Variants in AVEN observed in about 807,000 individuals in gnomAD.
AVEN encodes apoptosis and caspase activation inhibitor, also known as cell death regulator Aven.
AVEN carries 41 observed loss-of-function variants against 38.1 expected under a neutral mutation model. The ratio of observed to expected loss-of-function variants is 1.08; its 90% confidence interval spans 0.84 to 1.40. AVEN has a LOEUF of 1.40. Ranked by LOEUF, AVEN falls within the 40% of genes most tolerant of loss-of-function variation. The probability of loss-of-function intolerance (pLI) is 0.00; values close to 1 mark genes in which losing one functional copy is unlikely to be tolerated. For synonymous variants in AVEN, 206 were observed against 171.8 expected (o/e 1.20, Z -1.56); for missense variants, 605 against 438.8 (o/e 1.38, Z -3.38).
intron 5 of AVEN, among the ~76,000 whole-genome samples, chr15:34,058,680 G>C (rs527266626): frequency 2.0e-5 from 3 of 151,472 alleles, no homozygotes; most frequent in Non-Finnish European, 2.9e-5. Context: ...CTTTGCTTCT[G>C]CTTTCTTCAG....
intron 1 of AVEN, among the ~76,000 whole-genome samples, chr15:34,015,995 G>T (rs116745302): frequency 3.9e-5 from 6 of 152,160 alleles, no homozygotes; most frequent in Non-Finnish European, 1.5e-5. Context: ...ACTGGAAAGC[G>T]GCTGGGCGCG....
At chr15:33,989,504 C>G (rs768558772) in intron 2 of AVEN, among the ~76,000 whole-genome samples, 12 of 151,456 alleles carry the variant, frequency 7.9e-5, no homozygotes, top group Non-Finnish European at 1.0e-4. Flanking sequence ...GATCCCCTGA[C>G]GCCCACCAAG....
At chr15:33,948,758 T>C (rs1273051900) in intron 2 of AVEN, among the ~76,000 whole-genome samples, 1 of 151,996 alleles carries the variant, frequency 6.6e-6, no homozygotes, top group Non-Finnish European at 1.5e-5. Flanking sequence ...CTGGAACCTC[T>C]ACCTCCTGGG....
chr15:33,990,339 G>A lies in AVEN; in HGVS notation c.445+12693C>T, dbSNP rs541348821. On this transcript the variant is annotated intron_variant, in intron 2 of 5. Transcript: ENST00000306730. ...AGAGGCTGCAGTGAGCCGAGATCAC[G>A]CCACTGCCCTCCAGCATGGGCGACA... Among the ~76,000 whole-genome samples the A allele has an allele frequency of 5.9e-5, 9 of 152,104 alleles. 1 individual carries two copies. In the South Asian group the frequency reaches 1.2e-3, roughly 21 times the overall value.
intron 2 of AVEN, among the ~76,000 whole-genome samples, chr15:33,918,737 G>C (rs948073396): frequency 2.6e-5 from 4 of 151,566 alleles, no homozygotes; most frequent in Non-Finnish European, 5.9e-5. Context: ...TTATAGGCAA[G>C]AGCCACCACA....
chr15:33,905,667 T>C (rs1377822605), intron 2 of AVEN, among the ~76,000 whole-genome samples: 2 of 151,866 alleles, frequency 1.3e-5, no homozygotes, highest in Non-Finnish European at 1.5e-5. Context: ...CTACAAAAAA[T>C]ACAAAAAATT....
At chr15:33,895,332 T>TC (rs973483433) in intron 2 of AVEN, among the ~76,000 whole-genome samples, 48 of 151,954 alleles carry the variant, frequency 3.2e-4, no homozygotes, top group African/African-American at 1.1e-3. Context: ...TATTTCTTTT[T>TC]TTTTTTTTTA....
At chr15:34,057,755 C>T (rs980450132) in intron 5 of AVEN, among the ~76,000 whole-genome samples, 1 of 152,160 alleles carries the variant, frequency 6.6e-6, no homozygotes. Flanking sequence ...ATGATGGTGA[C>T]ACTGTTCTCC....
At chr15:34,006,864 G>T (rs901052435) in intron 1 of AVEN, among the ~76,000 whole-genome samples, 9 of 152,174 alleles carry the variant, frequency 5.9e-5, no homozygotes, top group Admixed American at 2.0e-4. Flanking sequence ...AGGTTTTATA[G>T]GTTCATTGTG....
intron 2 of AVEN, among the ~76,000 whole-genome samples, chr15:33,878,530 AAAAG>A (rs1405188341): frequency 6.6e-6 from 1 of 152,230 alleles, no homozygotes. Context: ...TGTTCAGAAA[AAAAG>A]GAAATCATAA....
chr15:33,969,285 C>T (rs548164542), intron 2 of AVEN: 4 of 152,010 alleles, frequency 2.6e-5, no homozygotes, highest in South Asian at 4.2e-4. Context: ...CTGAGGTAAA[C>T]GCTTGTTTTT....
chr15:33,866,699 T>C lies in AVEN; in HGVS notation c.1003A>G (p.Lys335Glu), dbSNP rs940424027. 1 of 1,614,160 alleles carries C rather than the reference T, an allele frequency of 6.2e-7. No homozygotes were observed. The highest frequency in any genetic ancestry group is 2.2e-5 in the East Asian group (1 of 44,880). The change falls in exon 6 of 6, where the codon AAA becomes GAA. Residue 335 changes from lysine to glutamate, a missense_variant. By Grantham distance (56) the Lys-to-Glu change is moderately conservative (BLOSUM62 1). Transcript: ENST00000306730. ...VCAKPSVTEE[K>E]NMEPEQPSTS... ...CTTGGTTGCTCAGGTTCCATGTTTT[T>C]TTCTTCAGTCACAGATGGTTTTGCA...
At chr15:33,854,648 A>T (rs2153000823), downstream of AVEN, 3 of 1,327,056 alleles carry the variant, frequency 2.3e-6, no homozygotes, top group East Asian at 2.3e-5. Context: ...AGCTCACAGC[A>T]CCTCAGCACC....
chr15:33,852,780 T>A, the AVEN span: 1 of 379,352 alleles, frequency 2.6e-6, no homozygotes, highest in African/African-American at 2.1e-5. Flanking sequence ...GTCATCACAA[T>A]TCTTGGCTCC....
chr15:34,036,508 G>A (rs1899134641), intron 1 of AVEN, among the ~76,000 whole-genome samples: 2 of 152,126 alleles, frequency 1.3e-5, no homozygotes, highest in Admixed American at 1.3e-4. Flanking sequence ...GAACAAGAAG[G>A]CTTCAGGAAA....
intron 2 of AVEN, among the ~76,000 whole-genome samples, chr15:33,940,548 CT>C (rs573338724): frequency 3.1e-4 from 45 of 146,006 alleles, no homozygotes; most frequent in Middle Eastern, 3.5e-3. Flanking sequence ...TGTGAAATTC[CT>C]TTTTTTTTTT....
rs531701266 is a variant in AVEN, at chr15:34,019,864, C to T, written c.268-16655G>A. On this transcript the variant is annotated intron_variant, in intron 1 of 5. Transcript: ENST00000306730. ...AACGACATGTTTCTCAGACTATATC[C>T]CCATTAAGCAATACATGACTATTTA... Among the ~76,000 whole-genome samples the T allele has an allele frequency of 1.8e-4, 28 of 152,196 alleles. No homozygotes were observed. In the South Asian group the frequency reaches 5.8e-3, roughly 32 times the overall value.
chr15:33,857,509 C>G (rs1428102473), downstream of AVEN, among the ~76,000 whole-genome samples: 8 of 152,112 alleles, frequency 5.3e-5, no homozygotes, highest in East Asian at 1.5e-3. Context: ...AGGCCAGGAC[C>G]TCAGCATATG....
upstream of AVEN, among the ~76,000 whole-genome samples, chr15:34,075,257 A>C (rs1309177644): frequency 6.6e-6 from 1 of 151,924 alleles, no homozygotes; most frequent in Admixed American, 6.6e-5. Context: ...ATTTACTCAC[A>C]GTTCCGCATG....
Sources: allele counts gnomAD v4.1 joint callset (sites outside exome capture counted in the v4.1 genomes callset), GRCh38; gene constraint gnomAD v4.1.1; transcripts MANE v1.5; gene names NCBI Gene and HGNC (gene_info 2026-07-23, HGNC 2026-07-21).